Variants in AP1S3 observed in about 807,000 individuals in gnomAD.
The protein encoded by AP1S3 is adaptor related protein complex 1 subunit sigma 3, also known as AP-1 complex subunit sigma-3.
AP1S3 carries 10 observed loss-of-function variants against 20.9 expected under a neutral mutation model. The observed-to-expected ratio is 0.48, with a 90% confidence interval of 0.29 to 0.81. The LOEUF (loss-of-function observed/expected upper bound fraction) is 0.81, where lower values mean the gene tolerates loss of function less well. Among genes scored for constraint, AP1S3 ranks in the 30% least tolerant of loss-of-function variants. The pLI, the probability that AP1S3 is intolerant of heterozygous loss-of-function variation, is 0.08. For missense variants in AP1S3, 154 were observed against 183.8 expected (o/e 0.84, Z 0.94); for synonymous variants, 41 against 61.5 (o/e 0.67, Z 1.56).
rs1013040595 is a variant in AP1S3 at position 223,756,173 on chromosome 2, A to G, written c.*2542T>C. The stretch of plus-strand genomic sequence containing the variant: ...ACCAACATGGAGAAATCCCAACTCT[A>G]CCAAAAATACAAAATTAGCCAGGCG... On this transcript the variant is annotated 3_prime_UTR_variant, in exon 5 of 5. Transcript: ENST00000396654. 2.2e-5 allele frequency: 8 copies of G among 363,614 alleles called. No homozygotes were observed. Among genetic ancestry groups the G allele is most frequent in the African/African-American group, 1.8e-4 (8 of 45,406 alleles). 22.5% of individuals were successfully genotyped at this position (363,614 alleles called of 1,614,324 possible).
chr2:223,791,932 T>G (rs1353301903), intron 1 of AP1S3, among the ~76,000 whole-genome samples: 1 of 151,916 alleles, frequency 6.6e-6, no homozygotes, highest in Non-Finnish European at 1.5e-5. Context: ...CCATTCACAA[T>G]TGCCACAAAA....
intron 1 of AP1S3, among the ~76,000 whole-genome samples, chr2:223,788,699 G>C (rs1258957807): frequency 5.9e-5 from 9 of 151,380 alleles, no homozygotes; most frequent in Non-Finnish European, 8.8e-5. Context: ...GGGAGGCAGA[G>C]GTTGCAGTGA....
At chr2:223,817,854 T>C (rs1380576308) in intron 1 of AP1S3, among the ~76,000 whole-genome samples, 4 of 151,644 alleles carry the variant, frequency 2.6e-5, no homozygotes, top group Non-Finnish European at 4.4e-5. Context: ...GAGACCTTTT[T>C]CCAAAAAAAG....
At chr2:223,786,907 A>C (rs967749010) in intron 1 of AP1S3, among the ~76,000 whole-genome samples, 1 of 152,020 alleles carries the variant, frequency 6.6e-6, no homozygotes, top group African/African-American at 2.4e-5. Flanking sequence ...CCTGTCTCAA[A>C]AAAACAAAAA....
chr2:223,778,109 T>C (rs550693959), intron 1 of AP1S3, among the ~76,000 whole-genome samples: 25 of 150,986 alleles, frequency 1.7e-4, no homozygotes, highest in African/African-American at 6.2e-4. Flanking sequence ...AAGTTTTTTT[T>C]TGTTTTTTTT....
chr2:223,834,155 G>C (rs1692344105), intron 1 of AP1S3, among the ~76,000 whole-genome samples: 1 of 152,106 alleles, frequency 6.6e-6, no homozygotes, highest in Non-Finnish European at 1.5e-5. Context: ...TGATCCGCCT[G>C]CCAATCCCAA....
chr2:223,824,407 T>C (rs975774143), intron 1 of AP1S3, among the ~76,000 whole-genome samples: 3 of 152,152 alleles, frequency 2.0e-5, no homozygotes, highest in African/African-American at 7.2e-5. Context: ...ACACCTGCAA[T>C]TTCAACAGCA....
intron 2 of AP1S3, 160 bp from the exon 3 acceptor site, chr2:223,776,169 A>C (rs1690780062): frequency 1.4e-6 from 1 of 707,240 alleles, no homozygotes; most frequent in Non-Finnish European, 2.6e-6. Flanking sequence ...CTGAAATATA[A>C]ATCAGAATAT....
At chr2:223,773,116 C>T (rs1245943393) in intron 3 of AP1S3, among the ~76,000 whole-genome samples, 1 of 152,170 alleles carries the variant, frequency 6.6e-6, no homozygotes, top group Non-Finnish European at 1.5e-5. Context: ...CTGGGTTTAG[C>T]ATTGGTGAAG....
At chr2:223,827,339 A>C (rs1490257688) in intron 1 of AP1S3, among the ~76,000 whole-genome samples, 1 of 152,168 alleles carries the variant, frequency 6.6e-6, no homozygotes, top group African/African-American at 2.4e-5. Flanking sequence ...ATGTGATATT[A>C]CTGTAACCCT....
intron 1 of AP1S3, among the ~76,000 whole-genome samples, chr2:223,780,302 TATATATAGAGAGAGAGAGAGAGAGAG>T (rs1326425680): frequency 4.0e-5 from 2 of 49,620 alleles, no homozygotes; most frequent in African/African-American, 1.8e-4. Flanking sequence ...TATATATATA[TATATATAGAGAGAGAGAGAGAGAGAG>T]AGAGAGAGAG....
chr2:223,765,969 C>T (rs1379566955), intron 3 of AP1S3, among the ~76,000 whole-genome samples: 1 of 152,170 alleles, frequency 6.6e-6, no homozygotes, highest in Non-Finnish European at 1.5e-5. Context: ...CGGGATTTCA[C>T]ATCCAGAATC....
At chr2:223,814,242 A>C (rs1691795584) in intron 1 of AP1S3, among the ~76,000 whole-genome samples, 1 of 152,198 alleles carries the variant, frequency 6.6e-6, no homozygotes. Flanking sequence ...GAGAAAAAAC[A>C]GTGGGAAGAG....
Position 223,755,529 on chromosome 2 carries a change from ATTT to A in AP1S3, c.*3183_*3185del, listed in dbSNP as rs66977512. Among the ~76,000 whole-genome samples, 15 of 118,222 alleles carry A rather than the reference ATTT, an allele frequency of 1.3e-4. No homozygotes were observed. The highest frequency in any genetic ancestry group is 1.7e-4 in the Non-Finnish European group (10 of 58,050). 77.6% of individuals were successfully genotyped at this position (118,222 alleles called of 152,430 possible). A position where few individuals can be genotyped will look rare whatever the true frequency, so the allele number is the denominator to read the frequency against. On this transcript the variant is annotated 3_prime_UTR_variant, in exon 5 of 5. Coordinates refer to ENST00000396654, the MANE Select transcript of AP1S3 (RefSeq NM_001039569.2). ...CATATAGATATGTTTACTTACTTTC[ATTT>A]TTTTTTTTTTTTTTTTGAGACAGGG...
At chr2:223,816,680 T>C (rs1267770446) in intron 1 of AP1S3, among the ~76,000 whole-genome samples, 2 of 152,218 alleles carry the variant, frequency 1.3e-5, no homozygotes, top group South Asian at 4.1e-4. Flanking sequence ...TGCAATCAAA[T>C]GCCGTTTTCA....
At position 223,837,512 on chromosome 2, in the gene AP1S3, G is replaced by C; in HGVS notation, c.-62C>G. 8.3e-7 allele frequency: 1 copy of C among 1,203,820 alleles called. No individual in the cohort carries two copies. The highest frequency in any genetic ancestry group is 1.1e-6 in the Non-Finnish European group (1 of 951,830). The allele number at this position is 1,203,820 out of a possible 1,614,324, so 74.6% of individuals were successfully genotyped here. A position where few individuals can be genotyped will look rare whatever the true frequency, so the allele number is the denominator to read the frequency against. On this transcript the variant is annotated 5_prime_UTR_variant, in exon 1 of 5. Transcript: ENST00000396654. The stretch of plus-strand genomic sequence containing the variant: ...AGGAGCGCTGGAGAAGCGAGGGCGA[G>C]AGGCGAGCGCTGGAGCCGGTGCGGC...
chr2:223,796,915 C>G (rs3099469), intron 1 of AP1S3, among the ~76,000 whole-genome samples: 74,386 of 152,024 alleles, frequency 0.49, 18,867 homozygotes, highest in African/African-American at 0.62. Context: ...CCACCGACCT[C>G]GGCCTCCCAA....
At position 223,755,624 on chromosome 2, in the gene AP1S3, G is replaced by A. The variant is rs528604375; in HGVS notation, c.*3091C>T. 3.4e-5 allele frequency among the ~76,000 whole-genome samples: 5 copies of A among 147,976 alleles called. No homozygotes were observed. Among genetic ancestry groups the A allele is most frequent in the Non-Finnish European group, 7.4e-5 (5 of 67,558 alleles). ...CAGCTCACTGCAACCTCTGCCTCCCGGGTTCAAGCGATTCTCCTGCCTCAG... is the reference window on the plus strand; with the variant it reads ...CAGCTCACTGCAACCTCTGCCTCCCAGGTTCAAGCGATTCTCCTGCCTCAG... On this transcript the variant is annotated 3_prime_UTR_variant, in exon 5 of 5. Coordinates refer to ENST00000396654, the MANE Select transcript of AP1S3 (RefSeq NM_001039569.2).
chr2:223,788,479 C>T (rs1041254818), intron 1 of AP1S3, among the ~76,000 whole-genome samples: 23 of 151,056 alleles, frequency 1.5e-4, no homozygotes, highest in Middle Eastern at 3.4e-3. Context: ...TGGGGCTGGG[C>T]GCGGTGGCTC....
Sources: gnomAD v4.1 joint callset for allele counts (sites outside exome capture counted in the v4.1 genomes callset) on GRCh38, gnomAD v4.1.1 for gene constraint, MANE v1.5 for transcripts, NCBI Gene and HGNC (gene_info 2026-07-23, HGNC 2026-07-21) for gene names.